HPSE2: variants seen among roughly 807,000 people sequenced by gnomAD.
HPSE2 encodes heparanase 2 (inactive).
HPSE2 carries 38 observed loss-of-function variants against 60.5 expected under a neutral mutation model. The observed-to-expected ratio is 0.63, with a 90% CI of 0.48 to 0.82. The LOEUF (loss-of-function observed/expected upper bound fraction) is 0.82, where lower values mean the gene tolerates loss of function less well. Among genes scored for constraint, HPSE2 ranks in the 40% least tolerant of loss-of-function variants. HPSE2 has a pLI of 0.00. For missense variants in HPSE2, 713 were observed against 740.4 expected (o/e 0.96, Z 0.43); for synonymous variants, 295 against 293.2 (o/e 1.01, Z -0.06).
chr10:98,922,455 G>T (rs996334002), intron 3 of HPSE2, among the ~76,000 whole-genome samples: 1 of 152,178 alleles, frequency 6.6e-6, no homozygotes, highest in African/African-American at 2.4e-5. Context: ...ATACGAGGGA[G>T]AACTCAATTT....
intron 2 of HPSE2, among the ~76,000 whole-genome samples, chr10:99,165,437 C>A (rs1157583713): frequency 6.6e-6 from 1 of 152,034 alleles, no homozygotes; most frequent in Non-Finnish European, 1.5e-5. Flanking sequence ...CCCCCAATAT[C>A]CTGGTTGTTT....
intron 9 of HPSE2, among the ~76,000 whole-genome samples, chr10:98,532,730 A>G (rs1341905362): frequency 1.3e-5 from 2 of 152,198 alleles, no homozygotes; most frequent in Non-Finnish European, 2.9e-5. Flanking sequence ...GTTTCAAAAG[A>G]TTCTTCCAGG....
intron 9 of HPSE2, among the ~76,000 whole-genome samples, chr10:98,581,399 T>TA (rs1324077605): frequency 6.6e-6 from 1 of 152,200 alleles, no homozygotes; most frequent in Non-Finnish European, 1.5e-5. Flanking sequence ...GTGTGGGCTT[T>TA]AGAGCCTCTA....
intron 2 of HPSE2, among the ~76,000 whole-genome samples, chr10:99,191,934 A>T (rs1317862122): frequency 6.6e-6 from 1 of 152,222 alleles, no homozygotes; most frequent in African/African-American, 2.4e-5. Context: ...AAGAAACTGA[A>T]ATAATTAAAA....
chr10:98,618,407 T>C (rs1945978584), intron 8 of HPSE2, among the ~76,000 whole-genome samples: 1 of 152,156 alleles, frequency 6.6e-6, no homozygotes, highest in Non-Finnish European at 1.5e-5. Flanking sequence ...AACCACTCAG[T>C]ACAACTGGGC....
chr10:98,789,484 G>A (rs1950609587), intron 3 of HPSE2, among the ~76,000 whole-genome samples: 1 of 152,198 alleles, frequency 6.6e-6, no homozygotes, highest in Admixed American at 6.5e-5. Flanking sequence ...TTGCAATGCA[G>A]GCTGGAAATA....
intron 9 of HPSE2, among the ~76,000 whole-genome samples, chr10:98,516,756 G>A (rs892115414): frequency 5.3e-5 from 8 of 152,134 alleles, no homozygotes; most frequent in African/African-American, 1.9e-4. Context: ...TGGAATACCT[G>A]AACAGAGCCA....
chr10:98,674,347 G>T (rs1469280775), intron 6 of HPSE2, among the ~76,000 whole-genome samples: 3 of 152,152 alleles, frequency 2.0e-5, no homozygotes, highest in South Asian at 4.1e-4. Flanking sequence ...AAATGGAAAA[G>T]AAAGATGGCT....
At chr10:98,709,614 C>T (rs1948628846) in intron 5 of HPSE2, among the ~76,000 whole-genome samples, 1 of 152,190 alleles carries the variant, frequency 6.6e-6, no homozygotes, top group Non-Finnish European at 1.5e-5. Flanking sequence ...GGGGCCTTCC[C>T]ATCAGGGCCA....
the HPSE2 span, among the ~76,000 whole-genome samples, chr10:99,277,039 C>T: frequency 3.9e-5 from 6 of 152,110 alleles, no homozygotes; most frequent in African/African-American, 9.7e-5. Flanking sequence ...GGGACAGAGG[C>T]GACAATGGAT....
chr10:99,014,167 C>T (rs1957080960), intron 3 of HPSE2, among the ~76,000 whole-genome samples: 1 of 152,356 alleles, frequency 6.6e-6, no homozygotes, highest in East Asian at 1.9e-4. Flanking sequence ...TCACCTGGCT[C>T]GTGGACATTG....
At chr10:98,544,694 C>G (rs1214766557) in intron 9 of HPSE2, among the ~76,000 whole-genome samples, 1 of 101,840 alleles carries the variant, frequency 9.8e-6, no homozygotes, top group Non-Finnish European at 1.8e-5. Context: ...GCCTGGGCGA[C>G]AGAGCGAGAC....
At chr10:98,634,893 C>A (rs1946456103) in intron 7 of HPSE2, among the ~76,000 whole-genome samples, 2 of 152,210 alleles carry the variant, frequency 1.3e-5, no homozygotes, top group Admixed American at 6.5e-5. Flanking sequence ...ATTAGAGAGT[C>A]TAACTTTTAG....
Position 98,721,763 on chromosome 10 carries a change from T to G in HPSE2, c.850A>C (p.Ile284Leu), listed in dbSNP as rs1271703811. The G allele has an allele frequency of 1.2e-6, 2 of 1,613,754 alleles. No individual in the cohort carries two copies. The highest frequency in any genetic ancestry group is 1.7e-5 in the Admixed American group (1 of 59,948). The change falls in exon 5 of 12, where the codon ATC becomes CTC. Residue 284 changes from isoleucine (I) to leucine (L), a missense_variant. Physicochemically the swap from Ile to Leu is conservative, Grantham distance 5. Coordinates refer to ENST00000370552, the MANE Select transcript of HPSE2 (RefSeq NM_021828.5). ...VNGSQLGKDYIQLKSLLQPIR... is the reference protein window; with the variant it reads ...VNGSQLGKDYLQLKSLLQPIR... Reference sequence around the variant, plus strand: ...GGCTGCAACAGGCTCTTCAGCTGGATGTAATCCTTTCCCAACTGGCTGCCA... The same window carrying G: ...GGCTGCAACAGGCTCTTCAGCTGGAGGTAATCCTTTCCCAACTGGCTGCCA...
At chr10:98,953,774 CT>C (rs754258835) in intron 3 of HPSE2, among the ~76,000 whole-genome samples, 3 of 152,108 alleles carry the variant, frequency 2.0e-5, no homozygotes, top group African/African-American at 4.8e-5. Context: ...CTCAATAAAC[CT>C]AGGTCTTCAC....
At chr10:99,072,419 T>G (rs948908460) in intron 3 of HPSE2, among the ~76,000 whole-genome samples, 17 of 151,954 alleles carry the variant, frequency 1.1e-4, no homozygotes, top group African/African-American at 3.9e-4. Context: ...AGGTCTAATA[T>G]CTAGAATCAA....
chr10:98,655,225 G>A (rs1947028131), intron 6 of HPSE2, among the ~76,000 whole-genome samples: 2 of 151,328 alleles, frequency 1.3e-5, no homozygotes, highest in East Asian at 1.9e-4. Context: ...GGCTTGGAGA[G>A]TTGGCTTTTT....
rs200871748 is a variant in HPSE2, at chr10:98,466,678, TG to T, written c.1614-6940del. Among the ~76,000 whole-genome samples, 892 of 152,084 alleles carry T rather than the reference TG, an allele frequency of 5.9e-3. 6 individuals carry two copies. The highest frequency in any genetic ancestry group is 0.017 in the African/African-American group (705 of 41,466). ...CCACCTTCAGAACATTTGCCTTCTC[TG>T]AGACTAGTTTCTCCATCTGTAAGGT... On this transcript the variant is annotated intron_variant, in intron 11 of 11. Transcript: ENST00000370552.
chr10:99,097,846 A>G (rs1432366218), intron 3 of HPSE2, among the ~76,000 whole-genome samples: 1 of 152,242 alleles, frequency 6.6e-6, no homozygotes, highest in Non-Finnish European at 1.5e-5. Context: ...TGAAACTGGT[A>G]GTAAATGGAA....
Sources: allele counts gnomAD v4.1 joint callset (sites outside exome capture counted in the v4.1 genomes callset), GRCh38; gene constraint gnomAD v4.1.1; transcripts MANE v1.5; gene names NCBI Gene and HGNC (gene_info 2026-07-23, HGNC 2026-07-21).